The following PHACTR1 variants were observed in gnomAD, a reference collection of about 807,000 sequenced individuals.
The protein encoded by PHACTR1 is RPEL repeat containing 1.
Under a neutral mutation model 69.2 loss-of-function variants are expected in PHACTR1, and 16 were observed. The observed-to-expected ratio is 0.23, with a 90% confidence interval of 0.16 to 0.35. PHACTR1 has a LOEUF of 0.35. Among genes scored for constraint, PHACTR1 ranks in the 10% least tolerant of loss-of-function variants. The probability of loss-of-function intolerance (pLI) is 1.00; values close to 1 mark genes in which losing one functional copy is unlikely to be tolerated. For missense variants in PHACTR1, 510 were observed against 734.7 expected, an observed-to-expected ratio of 0.69 and a Z score of 3.54; for synonymous variants, 312 against 284.5, an observed-to-expected ratio of 1.10 and a Z score of -0.97.
At chr6:13,218,125 T>A (rs1050733982) in intron 8 of PHACTR1, among the ~76,000 whole-genome samples, 2 of 152,352 alleles carry the variant, frequency 1.3e-5, no homozygotes, top group East Asian at 1.9e-4. Flanking sequence ...AAAGCAATAT[T>A]CCCTTTATTA....
intron 4 of PHACTR1, among the ~76,000 whole-genome samples, chr6:12,839,946 G>A (rs771491994): frequency 6.6e-6 from 1 of 152,034 alleles, no homozygotes; most frequent in Non-Finnish European, 1.5e-5. Flanking sequence ...TATTCAGAGA[G>A]TACTCCCAGC....
intron 5 of PHACTR1, among the ~76,000 whole-genome samples, chr6:13,156,426 A>T (rs529683095): frequency 6.6e-6 from 1 of 152,350 alleles, no homozygotes; most frequent in African/African-American, 2.4e-5. Context: ...TTACTTTTAA[A>T]GGAAACTTAG....
intron 4 of PHACTR1, among the ~76,000 whole-genome samples, chr6:12,817,886 C>A (rs542761266): frequency 4.6e-5 from 7 of 151,032 alleles, no homozygotes; most frequent in African/African-American, 1.7e-4. Flanking sequence ...TGCAGTGGCA[C>A]GATCTCGGCT....
chr6:12,757,980 T>C (rs9472484), intron 4 of PHACTR1, among the ~76,000 whole-genome samples: 18,957 of 151,968 alleles, frequency 0.12, 1,673 homozygotes, highest in African/African-American at 0.24. Context: ...GACGTGGTGG[T>C]GTGTACCTGC....
At chr6:13,049,037 A>C (rs1484514460) in intron 4 of PHACTR1, among the ~76,000 whole-genome samples, 2 of 152,234 alleles carry the variant, frequency 1.3e-5, no homozygotes, top group African/African-American at 4.8e-5. Context: ...TTAAGAGCTA[A>C]ACATCATGAA....
At chr6:12,719,857 C>T (rs1254166234) in intron 3 of PHACTR1, among the ~76,000 whole-genome samples, 1 of 152,188 alleles carries the variant, frequency 6.6e-6, no homozygotes, top group Non-Finnish European at 1.5e-5. Flanking sequence ...GGCTTGCAAG[C>T]CATCTCCTTC....
At chr6:13,092,057 C>T (rs1813372008) in intron 5 of PHACTR1, among the ~76,000 whole-genome samples, 1 of 152,204 alleles carries the variant, frequency 6.6e-6, no homozygotes, top group Non-Finnish European at 1.5e-5. Context: ...CTCAGCCTCC[C>T]AAACTGTTGG....
chr6:12,959,899 C>A (rs1226668796), intron 4 of PHACTR1, among the ~76,000 whole-genome samples: 3 of 152,196 alleles, frequency 2.0e-5, no homozygotes, highest in Admixed American at 1.3e-4. Flanking sequence ...TTTTATGTTG[C>A]TTTCAGTGTG....
chr6:12,985,541 A>ATATATATAT (rs1554186434), intron 4 of PHACTR1, among the ~76,000 whole-genome samples: 4 of 132,768 alleles, frequency 3.0e-5, no homozygotes, highest in African/African-American at 1.2e-4. Context: ...AAAAAAAAAA[A>ATATATATAT]ATATATATAT....
intron 4 of PHACTR1, among the ~76,000 whole-genome samples, chr6:12,917,712 G>A (rs2127505692): frequency 6.6e-6 from 1 of 152,236 alleles, no homozygotes; most frequent in African/African-American, 2.4e-5. Flanking sequence ...TTACGACTGT[G>A]CCACTACACT....
chr6:12,906,050 AC>A (rs1423041884), intron 4 of PHACTR1, among the ~76,000 whole-genome samples: 1 of 152,228 alleles, frequency 6.6e-6, no homozygotes, highest in Non-Finnish European at 1.5e-5. Flanking sequence ...TAATTAAGGC[AC>A]ATTTTGTGTG....
intron 4 of PHACTR1, among the ~76,000 whole-genome samples, chr6:12,811,634 C>T (rs151147237): frequency 1.3e-3 from 191 of 152,306 alleles, no homozygotes; most frequent in African/African-American, 4.4e-3. Context: ...CAAATCTTCT[C>T]CAGTTTGAGG....
chr6:13,240,505 C>T (rs929337682), intron 10 of PHACTR1, among the ~76,000 whole-genome samples: 7 of 151,848 alleles, frequency 4.6e-5, no homozygotes, highest in Non-Finnish European at 8.8e-5. Context: ...AGTGCAGTGG[C>T]GCAATCTTGG....
intron 5 of PHACTR1, among the ~76,000 whole-genome samples, chr6:13,070,637 T>A (rs538921587): frequency 2.0e-5 from 3 of 152,262 alleles, no homozygotes; most frequent in Admixed American, 2.0e-4. Flanking sequence ...AGTGAAAAGG[T>A]TAAGATGTAT....
intron 4 of PHACTR1, among the ~76,000 whole-genome samples, chr6:12,936,416 A>G (rs1386289425): frequency 6.6e-6 from 1 of 152,262 alleles, no homozygotes; most frequent in Non-Finnish European, 1.5e-5. Flanking sequence ...TAATTAAAAC[A>G]TAAAAGATGA....
chr6:12,867,275 T>C (rs537011239), intron 4 of PHACTR1, among the ~76,000 whole-genome samples: 2 of 152,326 alleles, frequency 1.3e-5, no homozygotes, highest in East Asian at 3.9e-4. Context: ...GTCTTCTGCA[T>C]CTTCTGTGGT....
At chr6:13,217,535 A>C (rs917499353) in intron 8 of PHACTR1, among the ~76,000 whole-genome samples, 1 of 152,216 alleles carries the variant, frequency 6.6e-6, no homozygotes, top group Non-Finnish European at 1.5e-5. Context: ...TCCCAATCCC[A>C]GATAATATTT....
chr6:12,743,355 T>A (rs1016263337), intron 3 of PHACTR1, among the ~76,000 whole-genome samples: 1 of 152,208 alleles, frequency 6.6e-6, no homozygotes, highest in Non-Finnish European at 1.5e-5. Flanking sequence ...CTTAGTCTTA[T>A]ACTTGCCCTG....
chr6:13,237,899 A>G (rs1229631091), intron 10 of PHACTR1, among the ~76,000 whole-genome samples: 2 of 152,276 alleles, frequency 1.3e-5, no homozygotes, highest in Non-Finnish European at 2.9e-5. Context: ...TAGAAAAGGT[A>G]GAATAAAAAT....
Sources: allele counts gnomAD v4.1 joint callset (sites outside exome capture counted in the v4.1 genomes callset), GRCh38; gene constraint gnomAD v4.1.1; transcripts MANE v1.5; gene names NCBI Gene and HGNC (gene_info 2026-07-23, HGNC 2026-07-21).